CACNA1C: variants seen among roughly 807,000 people sequenced by gnomAD.
CACNA1C encodes calcium voltage-gated channel subunit alpha1 C.
Under a neutral mutation model 229.0 loss-of-function variants are expected in CACNA1C, and 30 were observed. The ratio of observed to expected loss-of-function variants is 0.13; its 90% CI spans 0.10 to 0.18. The LOEUF (loss-of-function observed/expected upper bound fraction) is 0.18, where lower values mean the gene tolerates loss of function less well. CACNA1C is among the 10% of genes least tolerant of loss of function. The pLI is 1.00. For synonymous variants in CACNA1C, 1,114 were observed against 1,132.5 expected, an observed-to-expected ratio of 0.98 and a Z score of 0.33; for missense variants, 1,658 against 2,845.0, an observed-to-expected ratio of 0.58 and a Z score of 9.49.
intron 3 of CACNA1C, among the ~76,000 whole-genome samples, chr12:2,290,576 G>A (rs1222768980): frequency 1.3e-5 from 2 of 152,196 alleles, no homozygotes; most frequent in African/African-American, 4.8e-5. Flanking sequence ...AGATGACCAC[G>A]AGGCTGGGTG....
chr12:2,474,515 G>A (rs1020136109), intron 5 of CACNA1C, among the ~76,000 whole-genome samples: 2 of 152,090 alleles, frequency 1.3e-5, no homozygotes, highest in African/African-American at 4.8e-5. Flanking sequence ...AGCACTTTGG[G>A]AGGCCGAGGC....
intron 3 of CACNA1C, among the ~76,000 whole-genome samples, chr12:2,214,961 C>T (rs1300841401): frequency 2.0e-5 from 3 of 152,082 alleles, no homozygotes; most frequent in African/African-American, 4.8e-5. Flanking sequence ...CTTCTCCCCA[C>T]GTCCCCTTTC....
intron 3 of CACNA1C, among the ~76,000 whole-genome samples, chr12:2,239,721 T>A (rs1462915913): frequency 6.6e-6 from 1 of 152,212 alleles, no homozygotes; most frequent in Non-Finnish European, 1.5e-5. Flanking sequence ...AGTGGCTCTC[T>A]CCTGGGCCAT....
intron 34 of CACNA1C, among the ~76,000 whole-genome samples, chr12:2,662,314 C>CA (rs1459086936): frequency 6.6e-6 from 1 of 150,526 alleles, no homozygotes; most frequent in African/African-American, 2.4e-5. Context: ...AATTAAATGC[C>CA]AAAAAAGTTG....
intron 1 of CACNA1C, among the ~76,000 whole-genome samples, chr12:1,996,081 T>A (rs1336703574): frequency 2.6e-5 from 4 of 152,292 alleles, no homozygotes; most frequent in African/African-American, 9.6e-5. Context: ...GCAATACCCT[T>A]TCCATTTCAA....
chr12:2,444,419 G>A (rs1481241590), intron 3 of CACNA1C, among the ~76,000 whole-genome samples: 1 of 152,114 alleles, frequency 6.6e-6, no homozygotes, highest in South Asian at 2.1e-4. Context: ...GACTTTCTTG[G>A]GGATGAGGTT....
At position 2,335,799 on chromosome 12, in the gene CACNA1C, T is replaced by C. The variant is rs1288340844; in HGVS notation, c.478-113177T>C. Among the ~76,000 whole-genome samples, 15 of 152,120 alleles carry C rather than the reference T, an allele frequency of 9.9e-5. No individual in the cohort carries two copies. In the East Asian group the frequency reaches 2.9e-3, roughly 29 times the overall value. On this transcript the variant is annotated intron_variant, in intron 3 of 46. Coordinates refer to ENST00000399655, the MANE Select transcript of CACNA1C (RefSeq NM_000719.7). ...GGCCCAGAAGCCATGGTAACTTCTA[T>C]AGGAGAGACGCAGGATGAAGAAAGT... is the stretch of plus-strand genomic sequence containing the variant.
intron 5 of CACNA1C, among the ~76,000 whole-genome samples, chr12:2,477,182 G>A (rs1210178812): frequency 6.6e-6 from 1 of 152,226 alleles, no homozygotes; most frequent in Non-Finnish European, 1.5e-5. Flanking sequence ...ATGATTCATG[G>A]AGATCAGAAG....
At chr12:2,104,758 G>C (rs2077566444) in intron 1 of CACNA1C, among the ~76,000 whole-genome samples, 1 of 152,198 alleles carries the variant, frequency 6.6e-6, no homozygotes, top group Non-Finnish European at 1.5e-5. Flanking sequence ...TCCTTAACTA[G>C]GGCCTGTAAT....
In CACNA1C at chr12:2,677,530, C is replaced by T. The variant is rs2096884494; in HGVS notation, c.4957-203C>T. ...TGCCCCGTCCTAATGAGCCTTCATC[C>T]CTCCTGGATGGGCGAGTGGATTGTT... is the stretch of plus-strand genomic sequence containing the variant. On this transcript the variant is annotated intron_variant, in intron 40 of 46. Transcript: ENST00000399655. The surrounding 1 kb of genome is among the most constrained non-coding windows in gnomAD (Gnocchi z 7.4). 1 of 646,116 alleles carries T rather than the reference C, an allele frequency of 1.5e-6. No homozygotes were observed. The highest frequency in any genetic ancestry group is 2.0e-5 in the South Asian group (1 of 50,178). 40.0% of individuals were successfully genotyped at this position (646,116 alleles called of 1,614,324 possible). A position where few individuals can be genotyped will look rare whatever the true frequency, so the allele number is the denominator to read the frequency against.
rs535239442 is a variant in CACNA1C, at chr12:2,473,378, C to A, written c.758-12726C>A. On this transcript the variant is annotated intron_variant, in intron 5 of 46. Transcript: ENST00000399655. ...AACCTGATTTCTGCCTTCTCAATTCCATGGGGCTGCAGTGTTGTGCTTGAA... is the reference window on the plus strand; with the variant it reads ...AACCTGATTTCTGCCTTCTCAATTCAATGGGGCTGCAGTGTTGTGCTTGAA... Among the ~76,000 whole-genome samples the A allele has an allele frequency of 2.0e-5, 3 of 152,302 alleles. No individual in the cohort carries two copies. In the East Asian group the frequency reaches 5.8e-4, roughly 29 times the overall value.
chr12:2,289,127 G>A (rs1286498919), intron 3 of CACNA1C, among the ~76,000 whole-genome samples: 2 of 152,200 alleles, frequency 1.3e-5, no homozygotes, highest in Non-Finnish European at 2.9e-5. Flanking sequence ...AGAGCCAGCA[G>A]GAGCCAAGCT....
At chr12:2,564,110 G>A (rs1333181678) in intron 11 of CACNA1C, among the ~76,000 whole-genome samples, 6 of 152,172 alleles carry the variant, frequency 3.9e-5, no homozygotes, top group Admixed American at 3.3e-4. Flanking sequence ...TGGAGGGCCG[G>A]TTTTCACATC....
At chr12:2,680,575 G>A (rs1287666822) in intron 42 of CACNA1C, 2 of 1,560,436 alleles carry the variant, frequency 1.3e-6, no homozygotes, top group Non-Finnish European at 1.7e-6. Flanking sequence ...CAGCATGCCA[G>A]GTTCTTGACA....
chr12:2,046,621 A>G (rs980830199), intron 1 of CACNA1C, among the ~76,000 whole-genome samples: 2 of 152,134 alleles, frequency 1.3e-5, no homozygotes, highest in African/African-American at 4.8e-5. Context: ...GGGGCTAAGC[A>G]TTGCTGAAAA....
rs546726961 is a variant in CACNA1C at position 2,651,233 on chromosome 12, C to T, written c.3946-407C>T. ...ACACAGGACTGTCTGCCCAGACAAA[C>T]GGGAGACAGGCTAGGACTGCTTCCT... is the stretch of plus-strand genomic sequence containing the variant. On this transcript the variant is annotated intron_variant, in intron 31 of 46. Coordinates refer to ENST00000399655, the MANE Select transcript of CACNA1C (RefSeq NM_000719.7). The surrounding 1 kb of genome is among the most constrained non-coding windows in gnomAD (Gnocchi z 5.4). 6.1e-5 allele frequency: 13 copies of T among 212,456 alleles called. No homozygotes were observed. The highest frequency in any genetic ancestry group is 2.8e-4 in the Admixed American group (5 of 18,094). The allele number at this position is 212,456 out of a possible 1,614,324, so 13.2% of individuals were successfully genotyped here.
chr12:2,121,675 C>T (rs2086822328), intron 3 of CACNA1C, among the ~76,000 whole-genome samples: 1 of 152,172 alleles, frequency 6.6e-6, no homozygotes, highest in Non-Finnish European at 1.5e-5. Context: ...CGAAGCGTGA[C>T]CTCATCTCTT....
At chr12:2,675,787 A>G (rs1408610154) in intron 39 of CACNA1C, among the ~76,000 whole-genome samples, 3 of 152,210 alleles carry the variant, frequency 2.0e-5, no homozygotes, top group African/African-American at 7.2e-5. Context: ...AGCCATGCAG[A>G]GTGCAAAGCT....
chr12:2,572,276 A>T (rs2054927652), intron 13 of CACNA1C, among the ~76,000 whole-genome samples: 1 of 141,380 alleles, frequency 7.1e-6, no homozygotes, highest in Admixed American at 7.3e-5. Flanking sequence ...CTTCATATGC[A>T]ATCGGAAAAC....
Sources: gnomAD v4.1 joint callset for allele counts (sites outside exome capture counted in the v4.1 genomes callset) on GRCh38, gnomAD v4.1.1 for gene constraint, Gnocchi (gnomAD v3.1) non-coding constraint, MANE v1.5 for transcripts, NCBI Gene and HGNC (gene_info 2026-07-23, HGNC 2026-07-21) for gene names.